NEGR1: variants seen among roughly 807,000 people sequenced by gnomAD.
NEGR1 encodes IgLON family member 4.
In NEGR1, 10 loss-of-function variants were observed where a neutral mutation model predicts 40.9. That is an observed-to-expected ratio of 0.24 (90% CI 0.15 to 0.42). The LOEUF (loss-of-function observed/expected upper bound fraction) is 0.42, where lower values mean the gene tolerates loss of function less well. Ranked by LOEUF, NEGR1 falls within the 10% of genes least tolerant of loss-of-function variation. NEGR1 has a pLI of 1.00. For synonymous variants in NEGR1, 185 were observed against 166.8 expected, an observed-to-expected ratio of 1.11 and a Z score of -0.84; for missense variants, 352 against 438.9, an observed-to-expected ratio of 0.80 and a Z score of 1.77.
intron 1 of NEGR1, among the ~76,000 whole-genome samples, chr1:72,104,764 A>G (rs1649071787): frequency 6.6e-6 from 1 of 152,110 alleles, no homozygotes; most frequent in Non-Finnish European, 1.5e-5. Flanking sequence ...TAAAACAACA[A>G]TACTTTTTTG....
chr1:71,575,814 C>CAAAAACA (rs1264511877), intron 6 of NEGR1, among the ~76,000 whole-genome samples: 1 of 145,078 alleles, frequency 6.9e-6, no homozygotes, highest in Admixed American at 6.8e-5. Context: ...CAAAACAAAA[C>CAAAAACA]AAAAACAAAA....
intron 3 of NEGR1, among the ~76,000 whole-genome samples, chr1:71,707,039 G>A (rs986020694): frequency 5.3e-5 from 8 of 152,108 alleles, no homozygotes; most frequent in African/African-American, 1.7e-4. Context: ...ATGCCCATCC[G>A]AAGAAGGAGG....
At chr1:71,741,907 C>T (rs530206091) in intron 3 of NEGR1, among the ~76,000 whole-genome samples, 19 of 152,240 alleles carry the variant, frequency 1.2e-4, no homozygotes, top group East Asian at 3.9e-4. Flanking sequence ...AAGTCACTCA[C>T]GACTGTGAGG....
chr1:71,469,700 A>G (rs1001651527), intron 6 of NEGR1, among the ~76,000 whole-genome samples: 3 of 152,100 alleles, frequency 2.0e-5, no homozygotes, highest in Non-Finnish European at 2.9e-5. Context: ...AGCAGAGATC[A>G]TAGATCTTTC....
At chr1:72,226,722 A>G (rs1557587532) in intron 1 of NEGR1, among the ~76,000 whole-genome samples, 1 of 152,086 alleles carries the variant, frequency 6.6e-6, no homozygotes, top group Non-Finnish European at 1.5e-5. Flanking sequence ...ATTCCCATCC[A>G]TAATGCTTTT....
At chr1:71,850,999 T>C (rs1659581293) in intron 2 of NEGR1, among the ~76,000 whole-genome samples, 3 of 152,156 alleles carry the variant, frequency 2.0e-5, no homozygotes, top group Non-Finnish European at 1.5e-5. Context: ...TTTATCAAAA[T>C]CATCCACCTC....
intron 1 of NEGR1, among the ~76,000 whole-genome samples, chr1:72,088,176 G>A (rs1247846650): frequency 6.6e-6 from 1 of 152,108 alleles, no homozygotes; most frequent in African/African-American, 2.4e-5. Context: ...CATCATAGAT[G>A]AAATCATAGA....
At chr1:71,911,413 C>A (rs1307882386) in intron 2 of NEGR1, among the ~76,000 whole-genome samples, 1 of 152,174 alleles carries the variant, frequency 6.6e-6, no homozygotes, top group African/African-American at 2.4e-5. Flanking sequence ...AGAAACTCAA[C>A]TACTCTGCAT....
At chr1:72,160,158 G>A (rs1557556100) in intron 1 of NEGR1, among the ~76,000 whole-genome samples, 2 of 152,080 alleles carry the variant, frequency 1.3e-5, no homozygotes, top group African/African-American at 4.8e-5. Flanking sequence ...AACTGAGTGT[G>A]AAACTATCAA....
intron 1 of NEGR1, among the ~76,000 whole-genome samples, chr1:71,943,268 T>C (rs960581840): frequency 6.7e-6 from 1 of 149,998 alleles, no homozygotes; most frequent in African/African-American, 2.4e-5. Flanking sequence ...ACATGTATCA[T>C]ACACATATAT....
chr1:71,721,557 G>A (rs1398798414), intron 3 of NEGR1, among the ~76,000 whole-genome samples: 1 of 152,072 alleles, frequency 6.6e-6, no homozygotes, highest in Non-Finnish European at 1.5e-5. Context: ...AATAGAGCAA[G>A]TTTTCTAAAA....
At chr1:72,183,245 C>T (rs533615031) in intron 1 of NEGR1, among the ~76,000 whole-genome samples, 1 of 152,226 alleles carries the variant, frequency 6.6e-6, no homozygotes, top group East Asian at 1.9e-4. Context: ...ACATCCAACA[C>T]AGTATCTTTG....
At chr1:71,811,314 G>T in intron 2 of NEGR1, among the ~76,000 whole-genome samples, 1 of 151,882 alleles carries the variant, frequency 6.6e-6, no homozygotes, top group African/African-American at 2.4e-5. Flanking sequence ...ATTAATAAAG[G>T]AATTCAGGCA....
intron 2 of NEGR1, among the ~76,000 whole-genome samples, chr1:71,904,857 C>T (rs1271173458): frequency 2.0e-5 from 3 of 152,260 alleles, no homozygotes; most frequent in East Asian, 3.9e-4. Flanking sequence ...ATTTGACAGT[C>T]AGCAGTGTGG....
chr1:71,657,517 T>C (rs745811225), intron 4 of NEGR1, among the ~76,000 whole-genome samples: 18 of 152,190 alleles, frequency 1.2e-4, no homozygotes, highest in Non-Finnish European at 2.4e-4. Context: ...TTTTTCTCAT[T>C]AGAAATATCC....
intron 1 of NEGR1, among the ~76,000 whole-genome samples, chr1:72,101,972 C>G (rs1162956997): frequency 6.6e-6 from 1 of 151,992 alleles, no homozygotes; most frequent in Non-Finnish European, 1.5e-5. Context: ...TAATATCTGT[C>G]TATCCATCTG....
chr1:72,062,810 AG>A (rs1647199289), intron 1 of NEGR1, among the ~76,000 whole-genome samples: 1 of 151,958 alleles, frequency 6.6e-6, no homozygotes, highest in African/African-American at 2.4e-5. Flanking sequence ...GTGTTTCCCA[AG>A]ATAGCTTGTC....
chr1:71,771,743 T>C (rs958111663), intron 3 of NEGR1, among the ~76,000 whole-genome samples: 2 of 116,466 alleles, frequency 1.7e-5, no homozygotes, highest in African/African-American at 2.9e-5. Flanking sequence ...CACGAGTTCA[T>C]GCCATAAAAA....
chr1:71,924,980 G>A (rs982447300), intron 2 of NEGR1, among the ~76,000 whole-genome samples: 3 of 151,536 alleles, frequency 2.0e-5, no homozygotes, highest in Non-Finnish European at 4.4e-5. Flanking sequence ...CAAAACGATT[G>A]GCATGAAGCT....
Sources: allele counts gnomAD v4.1 joint callset (sites outside exome capture counted in the v4.1 genomes callset), GRCh38; gene constraint gnomAD v4.1.1; transcripts MANE v1.5; gene names NCBI Gene and HGNC (gene_info 2026-07-23, HGNC 2026-07-21).